Variants in ITFG2 observed in about 807,000 individuals in gnomAD.
ITFG2 encodes the protein integrin alpha FG-GAP repeat containing 2, also known as KICSTOR complex protein ITFG2.
ITFG2 carries 36 observed loss-of-function variants against 54.4 expected under a neutral mutation model. The observed-to-expected ratio is 0.66, with a 90% CI of 0.51 to 0.87. ITFG2 has a LOEUF of 0.87. Ranked by LOEUF, ITFG2 falls within the 40% of genes least tolerant of loss-of-function variation. The pLI is 0.00. For synonymous variants in ITFG2, 211 were observed against 225.4 expected (o/e 0.94, Z 0.57); for missense variants, 524 against 576.7 (o/e 0.91, Z 0.94).
rs909790165 is a variant in ITFG2, at chr12:2,821,870, T to G, written c.948+78T>G. ...GATGAGATTTGGAATAATCAGGCTA[T>G]TCTCACATCCCAGGGAACTCCCAAC... On this transcript the variant is annotated intron_variant, in intron 9 of 11. Transcript: ENST00000228799. 5 of 1,055,310 alleles carry G rather than the reference T, an allele frequency of 4.7e-6. No homozygotes were observed. The African/African-American group carries it at 7.9e-5, about 17-fold the overall frequency. 65.4% of individuals were successfully genotyped at this position (1,055,310 alleles called of 1,614,324 possible).
chr12:2,834,148 C>G (rs2098016701), upstream of ITFG2, among the ~76,000 whole-genome samples: 1 of 152,216 alleles, frequency 6.6e-6, no homozygotes, highest in Non-Finnish European at 1.5e-5. Flanking sequence ...GGGCCCCCGG[C>G]AAGAGCCACA....
At chr12:2,832,558 C>T (rs1291276759), upstream of ITFG2, among the ~76,000 whole-genome samples, 1 of 151,692 alleles carries the variant, frequency 6.6e-6, no homozygotes, top group South Asian at 2.1e-4. Flanking sequence ...CAGGATGTAC[C>T]CTCTCCAGGA....
At chr12:2,830,460 T>A in intron 2 of ITFG2, 14 of 421,868 alleles carry the variant, frequency 3.3e-5, no homozygotes, top group South Asian at 1.4e-4. Flanking sequence ...ACTTACTTAA[T>A]TTAAGTATTG....
chr12:2,859,025 C>T, intron 3 of ITFG2: 1 of 1,611,436 alleles, frequency 6.2e-7, no homozygotes, highest in Non-Finnish European at 8.5e-7. Context: ...GGCTGAAATC[C>T]AGTCCCCCTA....
At chr12:2,848,333 C>T (rs1252055039) in intron 2 of ITFG2, among the ~76,000 whole-genome samples, 2 of 152,180 alleles carry the variant, frequency 1.3e-5, no homozygotes, top group African/African-American at 4.8e-5. Context: ...CTTCCCATCA[C>T]CCTCCCCAAC....
chr12:2,849,433 G>A, intron 2 of ITFG2: 3 of 1,536,160 alleles, frequency 2.0e-6, no homozygotes, highest in Non-Finnish European at 2.6e-6. Context: ...GTTTGGGCAG[G>A]GCCAGCTCCT....
downstream of ITFG2, chr12:2,827,255 C>T (rs761075430): frequency 1.7e-5 from 28 of 1,614,104 alleles, no homozygotes; most frequent in East Asian, 1.1e-4. The surrounding 1 kb of genome is among the most constrained non-coding windows in gnomAD (Gnocchi z 4.0). Flanking sequence ...GCTCTGAGAA[C>T]GGGGCTTTCA....
At chr12:2,831,028 C>T, downstream of ITFG2, 1 of 571,792 alleles carries the variant, frequency 1.7e-6, no homozygotes, top group South Asian at 2.9e-5. Flanking sequence ...GAGTAAGCCC[C>T]AGTATCAAAT....
intron 2 of ITFG2, chr12:2,855,301 A>G (rs767882765): frequency 1.9e-5 from 29 of 1,528,224 alleles, no homozygotes; most frequent in South Asian, 3.6e-5. Context: ...CTTGGACTTC[A>G]TATCTGTGCA....
chr12:2,853,090 G>C (rs1045278272), intron 2 of ITFG2, among the ~76,000 whole-genome samples: 3 of 152,050 alleles, frequency 2.0e-5, no homozygotes, highest in African/African-American at 7.2e-5. Flanking sequence ...GAAGTGTTTG[G>C]CAGAACACCA....
rs141224751 is a variant in ITFG2, at chr12:2,859,415, C to T, written n.621-119C>T. The T allele has an allele frequency of 4.5e-4, 733 of 1,613,916 alleles. 9 individuals are homozygous for T. In the South Asian group the frequency reaches 5.9e-3, roughly 13 times the overall value. ...TGGGTCTTGGGGTGGGAGATTGGGA[C>T]GAATCCTCCCAGGAGTGAGATGATT... is the stretch of plus-strand genomic sequence containing the variant. On this transcript the variant is annotated intron_variant and non_coding_transcript_variant, in intron 3 of 3. Transcript: ENST00000537710.
Position 2,824,198 on chromosome 12 carries a change from A to G in ITFG2, c.*5A>G. The G allele has an allele frequency of 6.2e-7, 1 of 1,613,516 alleles. No individual in the cohort carries two copies. Among genetic ancestry groups the G allele is most frequent in the South Asian group, 1.1e-5 (1 of 91,080 alleles). ...AGCCTCCAGGATCCCACCTAGCTGT[A>G]CTTGCCTCATAGCTGGTGAAGGATT... On this transcript the variant is annotated 3_prime_UTR_variant, in exon 12 of 12. Coordinates refer to ENST00000228799, the MANE Select transcript of ITFG2 (RefSeq NM_018463.4).
At chr12:2,819,981 G>T (rs530505501) in intron 4 of ITFG2, 105 bp from the exon 5 acceptor site, 2 of 1,416,472 alleles carry the variant, frequency 1.4e-6, no homozygotes, top group Non-Finnish European at 1.9e-6. Flanking sequence ...GAGTAGCACC[G>T]CAGATCGGGT....
exon 3 of ITFG2, chr12:2,858,277 A>G (rs2153930703): frequency 5.1e-6 from 1 of 196,724 alleles, no homozygotes; most frequent in Admixed American, 5.4e-5. Flanking sequence ...TAATTAGAGG[A>G]TAATTTGGAG....
At chr12:2,859,091 G>C (rs2098101441) in intron 3 of ITFG2, 1 of 1,607,078 alleles carries the variant, frequency 6.2e-7, no homozygotes, top group South Asian at 1.1e-5. Context: ...GGACAGATTT[G>C]CTCGGGGTGG....
intron 2 of ITFG2, among the ~76,000 whole-genome samples, chr12:2,850,978 CTTT>C (rs35125854): frequency 3.8e-4 from 31 of 81,656 alleles, no homozygotes; most frequent in Non-Finnish European, 1.1e-4. Context: ...GGCCCAGAGT[CTTT>C]TTTTTTTTTT....
At chr12:2,847,103 C>T (rs1202036788) in intron 2 of ITFG2, among the ~76,000 whole-genome samples, 1 of 152,140 alleles carries the variant, frequency 6.6e-6, no homozygotes, top group Non-Finnish European at 1.5e-5. Flanking sequence ...TAAATGCAGT[C>T]ATATAATATG....
intron 2 of ITFG2, among the ~76,000 whole-genome samples, chr12:2,842,505 G>A (rs2098043938): frequency 6.6e-6 from 1 of 152,054 alleles, no homozygotes; most frequent in Admixed American, 6.5e-5. Flanking sequence ...TTTTTGGAAG[G>A]CAAGACGATC....
chr12:2,842,504 G>C, intron 2 of ITFG2, among the ~76,000 whole-genome samples: 1 of 152,084 alleles, frequency 6.6e-6, no homozygotes, highest in Non-Finnish European at 1.5e-5. Flanking sequence ...ATTTTTGGAA[G>C]GCAAGACGAT....
Sources: gnomAD v4.1 joint callset for allele counts (sites outside exome capture counted in the v4.1 genomes callset) on GRCh38, gnomAD v4.1.1 for gene constraint, Gnocchi (gnomAD v3.1) non-coding constraint, MANE v1.5 for transcripts, NCBI Gene and HGNC (gene_info 2026-07-23, HGNC 2026-07-21) for gene names.